MYO3A: variants seen among roughly 807,000 people sequenced by gnomAD.
The protein encoded by MYO3A is myosin IIIA, also known as myosin-IIIa.
Under a neutral mutation model 192.7 loss-of-function variants are expected in MYO3A, and 180 were observed. The observed-to-expected ratio is 0.93, with a 90% confidence interval of 0.83 to 1.06. The LOEUF (loss-of-function observed/expected upper bound fraction) is 1.06. Among genes scored for constraint, MYO3A ranks in the 50% least tolerant of loss-of-function variants. The pLI, the probability that MYO3A is intolerant of heterozygous loss-of-function variation, is 0.00. For synonymous variants in MYO3A, 628 were observed against 645.3 expected (o/e 0.97, Z 0.41); for missense variants, 1,896 against 1,905.0 (o/e 1.00, Z 0.09).
chr10:25,945,804 C>T (rs1008188529), intron 2 of MYO3A, among the ~76,000 whole-genome samples: 2 of 151,984 alleles, frequency 1.3e-5, no homozygotes, highest in East Asian at 1.9e-4. Context: ...GATGTTATAA[C>T]GTTTTTGTTA....
At chr10:26,088,476 T>A in intron 15 of MYO3A, 71 bp downstream of exon 15, 1 of 1,397,850 alleles carries the variant, frequency 7.2e-7, no homozygotes, top group South Asian at 1.2e-5. Flanking sequence ...TAGTAAAATG[T>A]CTTTCTCATT....
Position 26,170,817 on chromosome 10 carries a change from A to C in MYO3A, c.3398+278A>C, listed in dbSNP as rs144606093. 1.6e-3 allele frequency among the ~76,000 whole-genome samples: 244 copies of C among 152,324 alleles called. 6 individuals carry two copies. The East Asian group carries it at 0.026, about 16-fold the overall frequency. ...AATATGTCCTCCAATCCCCACATTT[A>C]AATCCTCATCCATATCTAAATGTAT... is the stretch of plus-strand genomic sequence containing the variant. On this transcript the variant is annotated intron_variant, in intron 29 of 34. Coordinates refer to ENST00000642920, the MANE Select transcript of MYO3A (RefSeq NM_017433.5).
chr10:25,952,848 C>T (rs1177214966), intron 3 of MYO3A, among the ~76,000 whole-genome samples: 2 of 148,802 alleles, frequency 1.3e-5, no homozygotes, highest in African/African-American at 5.0e-5. Flanking sequence ...TCTCTGCTTA[C>T]AGGAGGCCAC....
intron 10 of MYO3A, among the ~76,000 whole-genome samples, chr10:26,043,673 A>C (rs531320960): frequency 5.6e-4 from 86 of 152,266 alleles, no homozygotes; most frequent in African/African-American, 1.9e-3. Context: ...CATTCAGCTC[A>C]TGGTGAATGC....
chr10:26,165,915 C>T (rs1841718549), intron 26 of MYO3A, 152 bp from the exon 27 acceptor site: 1 of 758,042 alleles, frequency 1.3e-6, no homozygotes, highest in Admixed American at 1.8e-5. Context: ...TTGGTCTACT[C>T]CGAAGTTGTT....
At chr10:26,083,398 G>GT (rs1836096614) in intron 14 of MYO3A, among the ~76,000 whole-genome samples, 1 of 152,278 alleles carries the variant, frequency 6.6e-6, no homozygotes, top group East Asian at 1.9e-4. Context: ...TCATTTAATA[G>GT]TTTTAGACCA....
intron 4 of MYO3A, among the ~76,000 whole-genome samples, chr10:25,993,361 T>G (rs985271642): frequency 6.6e-6 from 1 of 152,218 alleles, no homozygotes; most frequent in Non-Finnish European, 1.5e-5. Context: ...TGATATCCCC[T>G]TCATGATTTT....
intron 6 of MYO3A, among the ~76,000 whole-genome samples, chr10:26,005,952 A>G (rs1411013812): frequency 6.6e-6 from 1 of 152,110 alleles, no homozygotes; most frequent in East Asian, 1.9e-4. Flanking sequence ...GTAAAGTTGA[A>G]CCATGAATAA....
At chr10:25,955,761 A>C in intron 4 of MYO3A, among the ~76,000 whole-genome samples, 1 of 152,220 alleles carries the variant, frequency 6.6e-6, no homozygotes, top group Middle Eastern at 3.2e-3. Flanking sequence ...CAGAGACAGT[A>C]GATACCTTTA....
chr10:26,031,044 A>G (rs1010718488), intron 10 of MYO3A, among the ~76,000 whole-genome samples: 1 of 152,238 alleles, frequency 6.6e-6, no homozygotes, highest in African/African-American at 2.4e-5. Flanking sequence ...CTCTAGTTAT[A>G]AAATATTTTG....
intron 32 of MYO3A, 152 bp downstream of exon 32, chr10:26,193,463 G>T: frequency 1.5e-6 from 1 of 678,708 alleles, no homozygotes; most frequent in Non-Finnish European, 2.6e-6. Flanking sequence ...CCTGGCTGGG[G>T]ATCTGGGCAC....
intron 10 of MYO3A, among the ~76,000 whole-genome samples, chr10:26,054,735 T>C (rs1006558611): frequency 6.6e-6 from 1 of 152,132 alleles, no homozygotes; most frequent in African/African-American, 2.4e-5. Context: ...AGCTGTTAAA[T>C]TGATGCAGCC....
intron 6 of MYO3A, among the ~76,000 whole-genome samples, chr10:26,006,361 G>A (rs1339593229): frequency 1.3e-5 from 2 of 152,000 alleles, no homozygotes; most frequent in Non-Finnish European, 2.9e-5. Context: ...GCTAGCAGAA[G>A]GCAAGAAATA....
chr10:25,960,792 G>T (rs1468038011), intron 4 of MYO3A, among the ~76,000 whole-genome samples: 1 of 152,058 alleles, frequency 6.6e-6, no homozygotes, highest in African/African-American at 2.4e-5. Context: ...TGCTGTCTCA[G>T]GGTTGGCACA....
chr10:26,210,650 TGAG>T (rs1298697760), intron 34 of MYO3A, among the ~76,000 whole-genome samples: 1 of 152,240 alleles, frequency 6.6e-6, no homozygotes, highest in Admixed American at 6.5e-5. Context: ...TCTCTCACTG[TGAG>T]GAGAAGTCAA....
intron 17 of MYO3A, among the ~76,000 whole-genome samples, chr10:26,102,954 A>G (rs752075728): frequency 5.3e-5 from 8 of 152,212 alleles, no homozygotes; most frequent in Non-Finnish European, 1.0e-4. Flanking sequence ...TTAAGTCTGT[A>G]GAAGTTTCTG....
Position 26,074,053 on chromosome 10 carries a change from A to C in MYO3A, c.1359+3652A>C, listed in dbSNP as rs547360032. On this transcript the variant is annotated intron_variant, in intron 14 of 34. Transcript: ENST00000642920. Reference sequence around the variant, plus strand: ...CCAGGTAAAGATCTTAAAGTAAGATAAAATTGTATTTTAATAACATTAATG... The same window carrying C: ...CCAGGTAAAGATCTTAAAGTAAGATCAAATTGTATTTTAATAACATTAATG... 2.3e-3 allele frequency among the ~76,000 whole-genome samples: 352 copies of C among 152,338 alleles called. 4 individuals carry two copies. The highest frequency in any genetic ancestry group is 4.1e-3 in the Non-Finnish European group (282 of 68,024).
chr10:26,088,427 C>T lies in MYO3A; in HGVS notation c.1562+22C>T, dbSNP rs1280184600. 5 of 1,600,632 alleles carry T rather than the reference C, an allele frequency of 3.1e-6. No individual in the cohort carries two copies. The South Asian group carries it at 4.4e-5, about 14-fold the overall frequency. On this transcript the variant is annotated intron_variant, in intron 15 of 34. Transcript: ENST00000642920. ...CTATGTAAGTTTATTTCAAATCTCT[C>T]CTATTTTGGAGGAAGCAGAAGCAAA...
In MYO3A at chr10:26,145,523, T is replaced by C; in HGVS notation, c.2494T>C (p.Tyr832His). 1 of 1,598,158 alleles carries C rather than the reference T, an allele frequency of 6.3e-7. No homozygotes were observed. Among genetic ancestry groups the C allele is most frequent in the African/African-American group, 1.3e-5 (1 of 74,652 alleles). The change falls in exon 22 of 35, where the codon TAT (tyrosine) becomes CAT (histidine). Residue 832 changes from tyrosine (Y) to histidine (H), a missense_variant. Tyr to His is a moderately conservative substitution (Grantham distance 83, BLOSUM62 2). Coordinates refer to ENST00000642920, the MANE Select transcript of MYO3A (RefSeq NM_017433.5). Reference sequence around the variant, plus strand: ...GGAACTTAGTTTTGGAATTCACCATTATGCAGGAAAGGTAAGAACTCTAAA... The same window carrying C: ...GGAACTTAGTTTTGGAATTCACCATCATGCAGGAAAGGTAAGAACTCTAAA... ...RMELSFGIHH[Y>H]AGKVLYNASG...
Sources: allele counts gnomAD v4.1 joint callset (sites outside exome capture counted in the v4.1 genomes callset), GRCh38; gene constraint gnomAD v4.1.1; transcripts MANE v1.5; gene names NCBI Gene and HGNC (gene_info 2026-07-23, HGNC 2026-07-21).